The following DIAPH2 variants were observed in gnomAD, a reference collection of about 807,000 sequenced individuals.
DIAPH2 encodes the protein diaphanous related formin 2.
DIAPH2 carries 35 observed loss-of-function variants against 92.7 expected under a neutral mutation model. The ratio of observed to expected loss-of-function variants is 0.38; its 90% confidence interval spans 0.29 to 0.50. The LOEUF is 0.50. Among genes scored for constraint, DIAPH2 ranks in the 20% least tolerant of loss-of-function variants. The pLI, the probability that DIAPH2 is intolerant of heterozygous loss-of-function variation, is 0.94. For synonymous variants in DIAPH2, 301 were observed against 280.4 expected, an observed-to-expected ratio of 1.07 and a Z score of -0.73; for missense variants, 701 against 819.5, an observed-to-expected ratio of 0.86 and a Z score of 1.77.
intron 19 of DIAPH2, among the ~76,000 whole-genome samples, chrX:97,094,025 A>C (rs1052883683): frequency 3.6e-5 from 4 of 112,084 alleles, no homozygotes; most frequent in Non-Finnish European, 5.6e-5. Context: ...TTGAAAGCTT[A>C]GAAGATGAAA....
At chrX:97,306,588 T>C (rs1462586507) in intron 23 of DIAPH2, among the ~76,000 whole-genome samples, 1 of 111,686 alleles carries the variant, frequency 9.0e-6, no homozygotes, top group Non-Finnish European at 1.9e-5. Flanking sequence ...CCAGGTATCC[T>C]GGAACAACAT....
intron 23 of DIAPH2, among the ~76,000 whole-genome samples, chrX:97,257,875 A>G (rs973240703): frequency 2.7e-5 from 3 of 110,218 alleles, no homozygotes; most frequent in African/African-American, 1.0e-4. Flanking sequence ...ATAACCATTT[A>G]AAATTGTCAT....
At chrX:97,278,686 T>C (rs1033809676) in intron 23 of DIAPH2, among the ~76,000 whole-genome samples, 1 of 112,489 alleles carries the variant, frequency 8.9e-6, no homozygotes, top group Admixed American at 9.5e-5. Flanking sequence ...TATTCCGTTA[T>C]CTGGATGCCT....
At chrX:97,456,519 T>A (rs1020986635) in intron 26 of DIAPH2, among the ~76,000 whole-genome samples, 2 of 111,611 alleles carry the variant, frequency 1.8e-5, no homozygotes, top group Admixed American at 9.5e-5. Flanking sequence ...AGATAAGATA[T>A]GTATATAACA....
At chrX:97,298,639 G>C (rs769368833) in intron 23 of DIAPH2, among the ~76,000 whole-genome samples, 160 of 99,341 alleles carry the variant, frequency 1.6e-3, no homozygotes, top group African/African-American at 6.0e-3. Flanking sequence ...TATTGAAACG[G>C]AGTCTCACTG....
chrX:96,905,416 G>A (rs2065426453), intron 5 of DIAPH2, among the ~76,000 whole-genome samples: 1 of 111,233 alleles, frequency 9.0e-6, no homozygotes, highest in Non-Finnish European at 1.9e-5. Context: ...TCCTTTATAA[G>A]AATCTATGAG....
At chrX:96,826,688 C>A (rs1394597809) in intron 4 of DIAPH2, among the ~76,000 whole-genome samples, 1 of 111,756 alleles carries the variant, frequency 8.9e-6, no homozygotes, top group Non-Finnish European at 1.9e-5. Context: ...TTTGTAAAGT[C>A]AGAGAAGGCT....
chrX:97,313,338 G>T (rs2068813174), intron 23 of DIAPH2, among the ~76,000 whole-genome samples: 1 of 110,610 alleles, frequency 9.0e-6, no homozygotes, highest in Non-Finnish European at 1.9e-5. Context: ...ATTGATACTG[G>T]GTCTGTGTGG....
chrX:97,390,542 C>CT (rs777244432), intron 25 of DIAPH2, among the ~76,000 whole-genome samples: 15 of 108,431 alleles, frequency 1.4e-4, no homozygotes, highest in South Asian at 8.0e-4. Flanking sequence ...CTTTTCTTTT[C>CT]TTTTTTTTGA....
intron 1 of DIAPH2, among the ~76,000 whole-genome samples, chrX:96,721,176 A>C (rs757676602): frequency 8.9e-6 from 1 of 112,150 alleles, no homozygotes; most frequent in East Asian, 2.8e-4. Context: ...AGGTAGAAGA[A>C]AGCAGAAACT....
intron 4 of DIAPH2, among the ~76,000 whole-genome samples, chrX:96,816,604 A>G (rs1355745906): frequency 8.9e-6 from 1 of 112,233 alleles, no homozygotes; most frequent in Non-Finnish European, 1.9e-5. Flanking sequence ...GAGAAAAGGG[A>G]ACCCTCATGC....
chrX:96,973,329 C>G (rs778461125), intron 17 of DIAPH2, among the ~76,000 whole-genome samples: 31 of 111,585 alleles, frequency 2.8e-4, no homozygotes, highest in Middle Eastern at 9.2e-3. Context: ...GAGACCCCAT[C>G]TCTGCAAAAA....
intron 26 of DIAPH2, among the ~76,000 whole-genome samples, chrX:97,495,962 T>C (rs1384707159): frequency 2.7e-5 from 3 of 110,598 alleles, no homozygotes; most frequent in Non-Finnish European, 5.7e-5. Context: ...CATTCCATAT[T>C]GTCAAAACAT....
chrX:96,739,891 G>A (rs146573891), intron 3 of DIAPH2, among the ~76,000 whole-genome samples: 24 of 111,482 alleles, frequency 2.2e-4, no homozygotes, highest in African/African-American at 7.5e-4. Context: ...GTCTGTTATT[G>A]CTGACCTTCC....
chrX:97,324,872 CTCACTGCAACATCCACCTCCTGGT>C (rs1452908817), intron 23 of DIAPH2, among the ~76,000 whole-genome samples: 3 of 111,121 alleles, frequency 2.7e-5, no homozygotes, highest in Admixed American at 1.9e-4. Flanking sequence ...ATGATCTTGG[CTCACTGCAACATCCACCTCCTGGT>C]TCAAGCGATT....
At chrX:97,421,552 A>T (rs934239523) in intron 25 of DIAPH2, among the ~76,000 whole-genome samples, 3 of 111,763 alleles carry the variant, frequency 2.7e-5, no homozygotes, top group African/African-American at 6.5e-5. Flanking sequence ...ACTGCTGATG[A>T]CCTTGCTCAC....
At chrX:97,462,126 T>C (rs770067775) in intron 26 of DIAPH2, among the ~76,000 whole-genome samples, 1 of 111,971 alleles carries the variant, frequency 8.9e-6, no homozygotes, top group East Asian at 2.8e-4. Flanking sequence ...CAGACATCTT[T>C]GTACCCCTGA....
At chrX:97,134,237 A>G (rs1340672688) in intron 21 of DIAPH2, among the ~76,000 whole-genome samples, 3 of 111,971 alleles carry the variant, frequency 2.7e-5, no homozygotes, top group Non-Finnish European at 5.6e-5. Context: ...ATAGGTTATG[A>G]TACCAATCAG....
At chrX:97,110,346 A>G (rs1349943084) in intron 20 of DIAPH2, among the ~76,000 whole-genome samples, 2 of 111,771 alleles carry the variant, frequency 1.8e-5, no homozygotes, top group Non-Finnish European at 3.8e-5. Flanking sequence ...TATAGTTTCA[A>G]ATCCTAGCAG....
Sources: gnomAD v4.1 joint callset for allele counts (sites outside exome capture counted in the v4.1 genomes callset) on GRCh38, gnomAD v4.1.1 for gene constraint, MANE v1.5 for transcripts, NCBI Gene and HGNC (gene_info 2026-07-23, HGNC 2026-07-21) for gene names.